The following PCLO variants were observed in gnomAD, a reference collection of about 807,000 sequenced individuals.
PCLO encodes the protein protein piccolo.
A neutral mutation model predicts 427.5 loss-of-function variants in PCLO; 82 were observed. That is an observed-to-expected ratio of 0.19 (90% CI 0.16 to 0.23). PCLO has a LOEUF of 0.23. Among genes scored for constraint, PCLO ranks in the 10% least tolerant of loss-of-function variants. PCLO has a pLI of 1.00. For synonymous variants in PCLO, 2,357 were observed against 2,155.4 expected, an observed-to-expected ratio of 1.09 and a Z score of -2.59; for missense variants, 6,239 against 6,115.9, an observed-to-expected ratio of 1.02 and a Z score of -0.67.
chr7:82,831,446 TATA>T (rs1792090648), intron 16 of PCLO, among the ~76,000 whole-genome samples: 1 of 152,078 alleles, frequency 6.6e-6, no homozygotes, highest in Non-Finnish European at 1.5e-5. Flanking sequence ...TTTTTATACA[TATA>T]ATATAAATTA....
At chr7:82,809,616 ATACAT>A (rs894004135) in intron 20 of PCLO, among the ~76,000 whole-genome samples, 2 of 149,476 alleles carry the variant, frequency 1.3e-5, no homozygotes, top group African/African-American at 5.0e-5. Flanking sequence ...AATAATAATA[ATACAT>A]TAATACTTCT....
At chr7:82,995,764 A>T (rs2115872523) in intron 3 of PCLO, among the ~76,000 whole-genome samples, 1 of 152,066 alleles carries the variant, frequency 6.6e-6, no homozygotes, top group African/African-American at 2.4e-5. Context: ...TAATGATAAT[A>T]GTACTTATCT....
chr7:82,984,856 A>G (rs920075105), intron 3 of PCLO, among the ~76,000 whole-genome samples: 2 of 152,032 alleles, frequency 1.3e-5, no homozygotes, highest in African/African-American at 4.8e-5. Flanking sequence ...GAATGATAAC[A>G]CTGATTATAT....
At chr7:83,044,309 C>T (rs1789051529) in intron 3 of PCLO, among the ~76,000 whole-genome samples, 1 of 152,150 alleles carries the variant, frequency 6.6e-6, no homozygotes, top group Non-Finnish European at 1.5e-5. Context: ...GGTGGAGACA[C>T]AGAGCCAAAC....
At chr7:82,834,503 C>T (rs1264080641) in intron 16 of PCLO, among the ~76,000 whole-genome samples, 2 of 152,124 alleles carry the variant, frequency 1.3e-5, no homozygotes, top group Non-Finnish European at 2.9e-5. Flanking sequence ...CAGAAACAGC[C>T]TCATTTGGGA....
At chr7:82,855,282 T>C (rs1303507561) in intron 10 of PCLO, among the ~76,000 whole-genome samples, 1 of 152,166 alleles carries the variant, frequency 6.6e-6, no homozygotes, top group Non-Finnish European at 1.5e-5. Flanking sequence ...TGTTATACTA[T>C]ATATTTAAAA....
intron 3 of PCLO, among the ~76,000 whole-genome samples, chr7:83,041,199 T>G (rs958871831): frequency 6.6e-6 from 1 of 152,062 alleles, no homozygotes; most frequent in Admixed American, 6.6e-5. Flanking sequence ...ATGAAATGAC[T>G]TAGGTGGTTA....
Position 83,156,256 on chromosome 7 carries a change from T to G in PCLO, c.385A>C (p.Ser129Arg), listed in dbSNP as rs998319774. ...TCTTTCAAGCTAATAGTGGAAGGACTCCTCCCAGGCAATTTCTGCTCTGAC... is the reference window on the plus strand; with the variant it reads ...TCTTTCAAGCTAATAGTGGAAGGACGCCTCCCAGGCAATTTCTGCTCTGAC... ...FRSEQKLPGR[S>R]PSTISLKESK... Residue 129 changes from serine (S) to arginine (R), a missense_variant, in exon 2 of 25, where the codon AGT becomes CGT. This residue lies in a region of PCLO where 4,677 missense variants were observed against 4,468.4 expected (regional missense o/e 1.05). Coordinates refer to ENST00000333891, the MANE Select transcript of PCLO (RefSeq NM_033026.6). 1.3e-5 allele frequency: 21 copies of G among 1,613,808 alleles called. No homozygotes were observed. The highest frequency in any genetic ancestry group is 1.7e-5 in the Non-Finnish European group (20 of 1,179,752).
Position 82,841,506 on chromosome 7 carries a change from T to C in PCLO, c.14050A>G (p.Thr4684Ala). ...TGAGAGACAACCTTTGTTCCATCGG[T>C]AGGCTGTAATATTAAAGAACATATA... ...SKKKHGSSKP[T>A]DGTKVVSHPI... Residue 4684 changes from threonine to alanine, a missense_variant, in exon 14 of 25, where the codon ACC becomes GCC. Physicochemically the swap from Thr to Ala is moderately conservative, Grantham distance 58. Around this residue, in one of 5 missense-constraint regions of PCLO, gnomAD observed 877 missense variants for 925.5 expected, o/e 0.95. Transcript: ENST00000333891. The C allele has an allele frequency of 6.4e-7, 1 of 1,552,202 alleles. No homozygotes were observed. The highest frequency in any genetic ancestry group is 1.4e-5 in the African/African-American group (1 of 73,724).
At chr7:82,787,013 C>T (rs1422855135) in intron 22 of PCLO, among the ~76,000 whole-genome samples, 4 of 151,822 alleles carry the variant, frequency 2.6e-5, no homozygotes, top group Non-Finnish European at 4.4e-5. Flanking sequence ...GGGTTGGTTC[C>T]AAGTCTTTTC....
intron 3 of PCLO, among the ~76,000 whole-genome samples, chr7:83,092,629 T>C (rs1790406173): frequency 6.6e-6 from 1 of 151,978 alleles, no homozygotes; most frequent in African/African-American, 2.4e-5. Flanking sequence ...TTTGATACAA[T>C]CAGGACAAAT....
chr7:82,870,196 C>A (rs376045756), intron 10 of PCLO, among the ~76,000 whole-genome samples: 29 of 151,940 alleles, frequency 1.9e-4, no homozygotes, highest in African/African-American at 7.0e-4. Context: ...AAATATACTA[C>A]AATGGTATAC....
At position 82,756,003 on chromosome 7, in the gene PCLO, G is replaced by T. The variant is rs1562770906; in HGVS notation, c.*2572C>A. ...ATCGCTAGTTCCTTGGAACGGAGGGGCTTCTATAATGGAAAGACTCCTACG... is the reference window on the plus strand; with the variant it reads ...ATCGCTAGTTCCTTGGAACGGAGGGTCTTCTATAATGGAAAGACTCCTACG... On this transcript the variant is annotated 3_prime_UTR_variant, in exon 25 of 25. Coordinates refer to ENST00000333891, the MANE Select transcript of PCLO (RefSeq NM_033026.6). The T allele has an allele frequency of 6.6e-6, 1 of 152,096 alleles. No individual in the cohort carries two copies. The highest frequency in any genetic ancestry group is 1.5e-5 in the Non-Finnish European group (1 of 68,028). The allele number at this position is 152,096 out of a possible 1,614,324, so 9.4% of individuals were successfully genotyped here. A position where few individuals can be genotyped will look rare whatever the true frequency, so the allele number is the denominator to read the frequency against.
At position 82,915,048 on chromosome 7, in the gene PCLO, G is replaced by A. The variant is rs755214512; in HGVS notation, c.12938C>T (p.Ser4313Phe). ...LSIKRDSSSS[S>F]LRLKAQEAEA... The stretch of plus-strand genomic sequence containing the variant: ...AGCCTCTTGAGCTTTCAGTCTTAGG[G>A]AAGAGCTAGAAGAATCCCTTTTAAT... Residue 4313 changes from serine (S) to phenylalanine (F), a missense_variant, in exon 7 of 25, where the codon TCC (serine) becomes TTC (phenylalanine). Physicochemically the swap from Ser to Phe is radical, Grantham distance 155. Around this residue, in one of 5 missense-constraint regions of PCLO, gnomAD observed 680 missense variants for 677.3 expected, o/e 1.00. Transcript: ENST00000333891. The A allele has an allele frequency of 2.5e-6, 4 of 1,613,016 alleles. No homozygotes were observed. The highest frequency in any genetic ancestry group is 2.2e-5 in the East Asian group (1 of 44,680).
chr7:83,089,427 C>T (rs143952655), intron 3 of PCLO, among the ~76,000 whole-genome samples: 1 of 152,096 alleles, frequency 6.6e-6, no homozygotes, highest in African/African-American at 2.4e-5. Flanking sequence ...TTTCTCCCCC[C>T]TGACCAAAAT....
At chr7:83,060,449 C>T (rs1365544805) in intron 3 of PCLO, among the ~76,000 whole-genome samples, 1 of 152,118 alleles carries the variant, frequency 6.6e-6, no homozygotes, top group Admixed American at 6.6e-5. Flanking sequence ...AGAGACCTGC[C>T]CCAGACTGCT....
intron 3 of PCLO, among the ~76,000 whole-genome samples, chr7:83,064,683 A>C (rs541876923): frequency 5.3e-5 from 8 of 152,168 alleles, no homozygotes; most frequent in Admixed American, 5.2e-4. Context: ...GAGGCAGACC[A>C]CCTATTAATG....
At chr7:82,871,519 A>C (rs1793237552) in intron 10 of PCLO, among the ~76,000 whole-genome samples, 1 of 152,036 alleles carries the variant, frequency 6.6e-6, no homozygotes, top group Admixed American at 6.6e-5. Flanking sequence ...AGATAGGAAT[A>C]ACTTCTAGAG....
chr7:82,860,316 GA>G (rs895326173), intron 10 of PCLO, among the ~76,000 whole-genome samples: 5 of 149,914 alleles, frequency 3.3e-5, no homozygotes, highest in South Asian at 2.1e-4. Flanking sequence ...AGCAGCAAGA[GA>G]AAAAAAAATA....
Sources: allele counts gnomAD v4.1 joint callset (sites outside exome capture counted in the v4.1 genomes callset), GRCh38; gene constraint gnomAD v4.1.1; regional missense constraint gnomAD v4.1.1; transcripts MANE v1.5; gene names NCBI Gene and HGNC (gene_info 2026-07-23, HGNC 2026-07-21).